Variants in LRRIQ1 observed in about 807,000 individuals in gnomAD.
LRRIQ1 encodes leucine rich repeats and IQ motif containing 1.
A neutral mutation model predicts 211.9 loss-of-function variants in LRRIQ1; 210 were observed. The ratio of observed to expected loss-of-function variants is 0.99; its 90% CI spans 0.89 to 1.11. The LOEUF is 1.11. Among genes scored for constraint, LRRIQ1 ranks in the 50% most tolerant of loss-of-function variants. The pLI is 0.00. For synonymous variants in LRRIQ1, 699 were observed against 650.1 expected (o/e 1.08, Z -1.14); for missense variants, 2,136 against 1,939.5 (o/e 1.10, Z -1.90).
rs1214030633 is a variant in LRRIQ1, at chr12:85,039,306, A to C, written c.132+998A>C. Among the ~76,000 whole-genome samples, 5 of 151,462 alleles carry C rather than the reference A, an allele frequency of 3.3e-5. No homozygotes were observed. The East Asian group carries it at 9.7e-4, about 29-fold the overall frequency. On this transcript the variant is annotated intron_variant, in intron 2 of 26. Transcript: ENST00000393217. ...TAGAATCAGTGTAAGTATTATTACC[A>C]GGGGAAAAAATTATTAACTAAGGAT...
downstream of LRRIQ1, among the ~76,000 whole-genome samples, chr12:85,249,356 A>C (rs909472575): frequency 2.4e-4 from 36 of 151,970 alleles, no homozygotes; most frequent in Non-Finnish European, 5.2e-4. Flanking sequence ...ATTTATGTAC[A>C]TATATTCATA....
At position 85,104,044 on chromosome 12, in the gene LRRIQ1, GA is replaced by G; in HGVS notation, c.3254del (p.Lys1085SerfsTer2). ...IVPLFHFVSL[E>X]KLDVSHNCLS... ...ACCACTTTTTCATTTTGTTTCATTG[GA>G]AAAGCTAGATGTCAGCCACAATTGT... On this transcript the variant is annotated frameshift_variant, in exon 14 of 27. Transcript: ENST00000393217. LOFTEE classifies it high-confidence loss of function. 1.3e-6 allele frequency: 2 copies of G among 1,564,594 alleles called. No homozygotes were observed. Among genetic ancestry groups the G allele is most frequent in the South Asian group, 1.2e-5 (1 of 82,716 alleles).
At chr12:85,093,760 G>T (rs768305910) in intron 11 of LRRIQ1, among the ~76,000 whole-genome samples, 2 of 152,218 alleles carry the variant, frequency 1.3e-5, no homozygotes, top group Non-Finnish European at 2.9e-5. Context: ...AATTTTGGAT[G>T]CAACAAGTGA....
In LRRIQ1 at chr12:85,057,202, ATAATT is replaced by A; in HGVS notation, c.2391+20_2391+24del. 1 of 1,369,842 alleles carries A rather than the reference ATAATT, an allele frequency of 7.3e-7. No homozygotes were observed. The highest frequency in any genetic ancestry group is 9.7e-7 in the Non-Finnish European group (1 of 1,030,636). 84.9% of individuals were successfully genotyped at this position (1,369,842 alleles called of 1,614,324 possible). A position where few individuals can be genotyped will look rare whatever the true frequency, so the allele number is the denominator to read the frequency against. On this transcript the variant is annotated intron_variant, in intron 8 of 26. Transcript: ENST00000393217. ...TACAGCAGGTATTTCTAATTTTATAATAATTTTTCACATTTAATTACAATTAGCTC... is the reference window on the plus strand; with the variant it reads ...TACAGCAGGTATTTCTAATTTTATAATTTCACATTTAATTACAATTAGCTC...
chr12:85,172,441 T>G (rs958187457), intron 24 of LRRIQ1, among the ~76,000 whole-genome samples: 5 of 152,210 alleles, frequency 3.3e-5, no homozygotes, highest in Non-Finnish European at 7.3e-5. Flanking sequence ...TGTTAAATCT[T>G]GCATAGACAC....
At chr12:85,233,034 G>T in intron 26 of LRRIQ1, 1 of 318,682 alleles carries the variant, frequency 3.1e-6, no homozygotes, top group African/African-American at 2.2e-5. Context: ...ATGGAAAATT[G>T]AAACTTTTTT....
downstream of LRRIQ1, among the ~76,000 whole-genome samples, chr12:85,267,152 A>G (rs994183288): frequency 2.6e-5 from 4 of 152,034 alleles, no homozygotes; most frequent in Non-Finnish European, 4.4e-5. Flanking sequence ...CTTTCAAACT[A>G]TTTTTATGAC....
rs772299035 is a variant in LRRIQ1, at chr12:85,244,864, A to G, written c.5092A>G (p.Arg1698Gly). 1 of 1,600,916 alleles carries G rather than the reference A, an allele frequency of 6.2e-7. No individual in the cohort carries two copies. Among genetic ancestry groups the G allele is most frequent in the African/African-American group, 1.4e-5 (1 of 73,900 alleles). Residue 1698 changes from arginine (R) to glycine (G), a missense_variant, in exon 27 of 27, where the codon AGA becomes GGA. Physicochemically the swap from Arg to Gly is moderately radical, Grantham distance 125. Coordinates refer to ENST00000393217, the MANE Select transcript of LRRIQ1 (RefSeq NM_001079910.2). ...MTNGSALSVN[R>G]EKKNQAHRHS... ...CAATGGAAGTGCTTTGTCTGTGAAC[A>G]GAGAAAAAAAAAATCAGGCACACAG...
chr12:85,106,395 A>T, intron 14 of LRRIQ1, 127 bp from the exon 15 acceptor site: 1 of 645,700 alleles, frequency 1.5e-6, no homozygotes. Context: ...AGCATATAGC[A>T]TTCTGCAGAA....
chr12:85,118,499 GTT>G (rs71445022), intron 15 of LRRIQ1, among the ~76,000 whole-genome samples: 7 of 127,812 alleles, frequency 5.5e-5, no homozygotes. Flanking sequence ...GAAAAACTAT[GTT>G]TTTTTTTTTT....
At chr12:85,093,157 A>G (rs1054880284) in intron 11 of LRRIQ1, among the ~76,000 whole-genome samples, 7 of 152,272 alleles carry the variant, frequency 4.6e-5, no homozygotes, top group African/African-American at 7.2e-5. Context: ...TTTGTTGTCA[A>G]CCAACACAAC....
chr12:85,141,053 G>A (rs755156387), intron 19 of LRRIQ1, among the ~76,000 whole-genome samples: 1 of 150,936 alleles, frequency 6.6e-6, no homozygotes, highest in Non-Finnish European at 1.5e-5. Context: ...CCCTCTTCAG[G>A]TTTTAGTATC....
chr12:85,207,357 G>A (rs1344266163), intron 24 of LRRIQ1, among the ~76,000 whole-genome samples: 3 of 152,008 alleles, frequency 2.0e-5, no homozygotes, highest in Admixed American at 2.0e-4. Context: ...TCATATGGTT[G>A]GCCATCATGT....
chr12:85,249,657 A>G (rs569604485), downstream of LRRIQ1, among the ~76,000 whole-genome samples: 1 of 152,058 alleles, frequency 6.6e-6, no homozygotes, highest in South Asian at 2.1e-4. Context: ...AAATGAATAT[A>G]TGAGCCATTG....
chr12:85,177,294 C>G (rs2708498), intron 24 of LRRIQ1, among the ~76,000 whole-genome samples: 90,708 of 151,862 alleles, frequency 0.6, 29,455 homozygotes, highest in African/African-American at 0.87. Context: ...CACAAACCAC[C>G]TGTAATAGAG....
intron 3 of LRRIQ1, among the ~76,000 whole-genome samples, chr12:85,043,848 C>T (rs1191909894): frequency 6.6e-6 from 1 of 152,000 alleles, no homozygotes; most frequent in Non-Finnish European, 1.5e-5. Flanking sequence ...TCCTGTCTCC[C>T]AACTCCAAGC....
chr12:85,125,187 A>G lies in LRRIQ1; in HGVS notation c.4007+668A>G, dbSNP rs934817316. The stretch of plus-strand genomic sequence containing the variant: ...GAGCGAGACTCCATCTCAAAAATAA[A>G]TAAATAAACAAAATAAAAATATATA... On this transcript the variant is annotated intron_variant, in intron 17 of 26. Transcript: ENST00000393217. Among the ~76,000 whole-genome samples, 4 of 152,300 alleles carry G rather than the reference A, an allele frequency of 2.6e-5. No individual in the cohort carries two copies. The South Asian group carries it at 8.3e-4, about 32-fold the overall frequency.
At chr12:85,201,500 C>G (rs1893292334) in intron 24 of LRRIQ1, among the ~76,000 whole-genome samples, 1 of 152,038 alleles carries the variant, frequency 6.6e-6, no homozygotes, top group African/African-American at 2.4e-5. Flanking sequence ...TCAGTTTCCT[C>G]CTAGTTCAGT....
intron 17 of LRRIQ1, among the ~76,000 whole-genome samples, chr12:85,126,334 A>T (rs1341097969): frequency 6.6e-6 from 1 of 152,092 alleles, no homozygotes; most frequent in East Asian, 1.9e-4. Flanking sequence ...GTCTATAAAG[A>T]AATATAAGAT....
Sources: allele counts gnomAD v4.1 joint callset (sites outside exome capture counted in the v4.1 genomes callset), GRCh38; gene constraint gnomAD v4.1.1; transcripts MANE v1.5; gene names NCBI Gene and HGNC (gene_info 2026-07-23, HGNC 2026-07-21).